IRGM: variants seen among roughly 807,000 people sequenced by gnomAD.
The protein encoded by IRGM is immunity-related GTPase family M protein.
For synonymous variants in IRGM, 98 were observed against 80.6 expected (o/e 1.22, Z -1.16); for missense variants, 288 against 219.9 (o/e 1.31, Z -1.96).
Position 150,846,826 on chromosome 5 carries a change from A to T in IRGM, c.-810A>T, listed in dbSNP as rs551890672. The T allele has an allele frequency of 5.9e-5, 9 of 153,686 alleles. No individual in the cohort carries two copies. In the East Asian group the frequency reaches 1.3e-3, roughly 23 times the overall value. 9.5% of individuals were successfully genotyped at this position (153,686 alleles called of 1,614,324 possible). A position where few individuals can be genotyped will look rare whatever the true frequency, so the allele number is the denominator to read the frequency against. On this transcript the variant is annotated 5_prime_UTR_variant, in exon 1 of 2. Transcript: ENST00000522154. Reference sequence around the variant, plus strand: ...GAAACTCTGAACACATCCAAACATCAGAAGGAACAAACTCCGGACACGCAG... The same window carrying T: ...GAAACTCTGAACACATCCAAACATCTGAAGGAACAAACTCCGGACACGCAG...
intron 1 of IRGM, among the ~76,000 whole-genome samples, chr5:150,875,421 T>A (rs1754349493): frequency 1.3e-5 from 2 of 152,210 alleles, no homozygotes; most frequent in Admixed American, 1.3e-4. Context: ...GGATGGTTAG[T>A]GACTTGCAAG....
chr5:150,902,371 A>G (rs2113033651), downstream of IRGM, among the ~76,000 whole-genome samples: 1 of 152,300 alleles, frequency 6.6e-6, no homozygotes, highest in East Asian at 1.9e-4. Context: ...GTTTAGAAAA[A>G]CATTCAAAAT....
intron 1 of IRGM, among the ~76,000 whole-genome samples, chr5:150,859,023 T>A (rs1362736029): frequency 6.6e-6 from 1 of 152,218 alleles, no homozygotes; most frequent in African/African-American, 2.4e-5. Flanking sequence ...ATGGGAATGC[T>A]TCCAGTTTTT....
At chr5:150,871,177 C>G (rs887468871) in intron 1 of IRGM, among the ~76,000 whole-genome samples, 3 of 152,164 alleles carry the variant, frequency 2.0e-5, no homozygotes, top group Non-Finnish European at 4.4e-5. Context: ...TTTTTTCCAC[C>G]ATGACAGCCT....
rs1034089597 is a variant in IRGM, at chr5:150,848,187, A to G, written c.64A>G (p.Ile22Val). Residue 22 changes from isoleucine (I) to valine (V), a missense_variant, in exon 2 of 2, where the codon ATC (isoleucine) becomes GTC (valine). Coordinates refer to ENST00000522154, the MANE Select transcript of IRGM (RefSeq NM_001145805.2). ...GAACTTGCCAGAGGTGATCTCTAAC[A>G]TCAAGGAGACTCTGAAGATAGTGTC... is the stretch of plus-strand genomic sequence containing the variant. ...DGNLPEVISN[I>V]KETLKIVSRT... 6 of 1,551,636 alleles carry G rather than the reference A, an allele frequency of 3.9e-6. No individual in the cohort carries two copies. Among genetic ancestry groups the G allele is most frequent in the Admixed American group, 3.9e-5 (2 of 50,982 alleles).
intron 3 of IRGM, chr5:150,900,535 T>A (rs1754958727): frequency 6.6e-6 from 1 of 152,130 alleles, no homozygotes; most frequent in South Asian, 2.1e-4. Context: ...TACATCTCTT[T>A]ACATCTCTGC....
exon 4 of IRGM, chr5:150,900,676 C>T (rs904042162): frequency 8.6e-5 from 13 of 151,878 alleles, no homozygotes; most frequent in African/African-American, 2.7e-4. Flanking sequence ...ACTTAAGAAA[C>T]GTTTGTTAAA....
At chr5:150,876,248 G>A (rs903111900) in intron 1 of IRGM, among the ~76,000 whole-genome samples, 1 of 152,158 alleles carries the variant, frequency 6.6e-6, no homozygotes, top group Non-Finnish European at 1.5e-5. Flanking sequence ...ATATGGTACT[G>A]TTTCTCCCAT....
At chr5:150,880,430 T>C (rs960871483) in intron 3 of IRGM, among the ~76,000 whole-genome samples, 1 of 152,214 alleles carries the variant, frequency 6.6e-6, no homozygotes, top group Non-Finnish European at 1.5e-5. Context: ...TCCAGTTTTC[T>C]AGAAACATCC....
At chr5:150,868,058 G>A (rs960619134) in intron 1 of IRGM, among the ~76,000 whole-genome samples, 7 of 152,052 alleles carry the variant, frequency 4.6e-5, no homozygotes, top group Non-Finnish European at 8.8e-5. Context: ...CTAAGCCAAT[G>A]TTTAGAAAGG....
chr5:150,885,448 C>A (rs190393699), intron 3 of IRGM, among the ~76,000 whole-genome samples: 1 of 151,932 alleles, frequency 6.6e-6, no homozygotes, highest in African/African-American at 2.4e-5. Flanking sequence ...AAAAATAGTT[C>A]TCTGAAGAAT....
chr5:150,877,115 G>A (rs985024675), intron 1 of IRGM, among the ~76,000 whole-genome samples: 4 of 152,152 alleles, frequency 2.6e-5, no homozygotes, highest in African/African-American at 9.7e-5. Flanking sequence ...TGAAGATTAT[G>A]TATGGTTTCA....
chr5:150,896,039 G>A, intron 3 of IRGM: 2 of 1,612,958 alleles, frequency 1.2e-6, no homozygotes, highest in Non-Finnish European at 8.5e-7. Flanking sequence ...TATGAGCTCT[G>A]TGGTGTATAA....
rs146418618 is a variant in IRGM, at chr5:150,887,270, A to T, written c.*140+7624A>T. On this transcript the variant is annotated intron_variant and NMD_transcript_variant, in intron 3 of 3. Coordinates refer to the IRGM transcript ENST00000520549. The stretch of plus-strand genomic sequence containing the variant: ...TTAATGGATCTGACAGAGCTGAATA[A>T]CACAATACAAGAATTTCACAATGCA... Among the ~76,000 whole-genome samples the T allele has an allele frequency of 1.7e-3, 259 of 152,188 alleles. 1 individual carries two copies. The highest frequency in any genetic ancestry group is 6.0e-3 in the African/African-American group (249 of 41,540).
At chr5:150,889,524 C>T (rs1754575919) in intron 3 of IRGM, among the ~76,000 whole-genome samples, 1 of 152,056 alleles carries the variant, frequency 6.6e-6, no homozygotes, top group Non-Finnish European at 1.5e-5. Flanking sequence ...CAAACCATAT[C>T]AACTAGCATA....
At chr5:150,873,854 C>T (rs573697558) in intron 1 of IRGM, among the ~76,000 whole-genome samples, 1 of 152,302 alleles carries the variant, frequency 6.6e-6, no homozygotes, top group East Asian at 1.9e-4. Flanking sequence ...TATCACATCC[C>T]TGGAGGGATT....
intron 3 of IRGM, chr5:150,895,826 T>C: frequency 6.2e-7 from 1 of 1,613,680 alleles, no homozygotes; most frequent in Non-Finnish European, 8.5e-7. Context: ...AGAATGTCTT[T>C]CCACATTCAG....
chr5:150,857,656 G>T (rs1326648547), intron 1 of IRGM, among the ~76,000 whole-genome samples: 4 of 151,982 alleles, frequency 2.6e-5, no homozygotes. Context: ...TTGTGGTTTT[G>T]ATTTGCATTT....
intron 3 of IRGM, among the ~76,000 whole-genome samples, chr5:150,885,237 T>G (rs1268734309): frequency 6.6e-6 from 1 of 152,070 alleles, no homozygotes; most frequent in African/African-American, 2.4e-5. Flanking sequence ...GTGTGCAGCC[T>G]TATTTTGGAG....
Sources: gnomAD v4.1 joint callset for allele counts (sites outside exome capture counted in the v4.1 genomes callset) on GRCh38, gnomAD v4.1.1 for gene constraint, MANE v1.5 for transcripts, NCBI Gene and HGNC (gene_info 2026-07-23, HGNC 2026-07-21) for gene names.